Variants in PXMP2 observed in about 807,000 individuals in gnomAD.
The protein encoded by PXMP2 is peroxisomal membrane protein 2, also known as 22 kDa peroxisomal membrane protein.
Under a neutral mutation model 20.2 loss-of-function variants are expected in PXMP2, and 13 were observed. That is an observed-to-expected ratio of 0.64 (90% CI 0.42 to 1.02). The LOEUF is 1.02. Ranked by LOEUF, PXMP2 falls within the 50% of genes least tolerant of loss-of-function variation. The pLI is 0.00. For missense variants in PXMP2, 284 were observed against 251.8 expected, an observed-to-expected ratio of 1.13 and a Z score of -0.87; for synonymous variants, 113 against 111.2, an observed-to-expected ratio of 1.02 and a Z score of -0.10.
rs1361282598 is a variant in PXMP2, at chr12:132,687,767, C to G, written c.97C>G (p.Pro33Ala). The stretch of plus-strand genomic sequence containing the variant: ...GTACCTGCTCTTCCTGCGGCTCTAC[C>G]CGGTGCTCACCAAGGCGGCCACCAG... ...AQYLLFLRLY[P>A]VLTKAATSGI... The change falls in exon 1 of 5, where the codon CCG becomes GCG. Residue 33 changes from proline (P) to alanine (A), a missense_variant. Physicochemically the swap from Pro to Ala is conservative, Grantham distance 27 (BLOSUM62 -1). Transcript: ENST00000317479. 1.7e-6 allele frequency: 2 copies of G among 1,188,870 alleles called. No homozygotes were observed. Among genetic ancestry groups the G allele is most frequent in the Non-Finnish European group, 2.1e-6 (2 of 961,206 alleles). The allele number at this position is 1,188,870 out of a possible 1,614,324, so 73.6% of individuals were successfully genotyped here.
At chr12:132,699,796 C>T (rs1433244871) in intron 3 of PXMP2, among the ~76,000 whole-genome samples, 2 of 152,058 alleles carry the variant, frequency 1.3e-5, no homozygotes, top group Non-Finnish European at 2.9e-5. Context: ...GTTGATTCCA[C>T]GTGTTTGCTG....
chr12:132,704,972 T>C lies in PXMP2; in HGVS notation c.*285T>C, dbSNP rs2043463268. ...GAATTAGGATCACAATAAACGATAA[T>C]GCAGGTTCTTCAATGGTGACTTTAA... is the stretch of plus-strand genomic sequence containing the variant. On this transcript the variant is annotated 3_prime_UTR_variant, in exon 5 of 5. Transcript: ENST00000317479. 1.4e-5 allele frequency: 7 copies of C among 517,344 alleles called. No individual in the cohort carries two copies. The highest frequency in any genetic ancestry group is 2.8e-4 in the Middle Eastern group (1 of 3,634). The allele number at this position is 517,344 out of a possible 1,614,324, so 32.0% of individuals were successfully genotyped here. A position where few individuals can be genotyped will look rare whatever the true frequency, so the allele number is the denominator to read the frequency against.
chr12:132,687,813 C>A, intron 1 of PXMP2, 21 bp downstream of exon 1: 1 of 1,134,364 alleles, frequency 8.8e-7, no homozygotes, highest in Non-Finnish European at 1.1e-6. Context: ...GCGCGGGAAT[C>A]GGACGCCGCC....
chr12:132,693,522 C>A (rs1197357910), intron 2 of PXMP2, among the ~76,000 whole-genome samples: 2 of 99,316 alleles, frequency 2.0e-5, no homozygotes, highest in African/African-American at 7.3e-5. Flanking sequence ...TAGTGAGCTC[C>A]CTTGCCAGTT....
intron 2 of PXMP2, among the ~76,000 whole-genome samples, chr12:132,691,455 AAG>A (rs1343891361): frequency 6.6e-6 from 1 of 152,202 alleles, no homozygotes; most frequent in Non-Finnish European, 1.5e-5. Context: ...ACAGTAATTC[AAG>A]AGTTTTACCA....
chr12:132,690,709 C>T (rs1310397503), intron 2 of PXMP2, among the ~76,000 whole-genome samples: 1 of 152,038 alleles, frequency 6.6e-6, no homozygotes, highest in East Asian at 1.9e-4. Flanking sequence ...CCATGCCCAG[C>T]TAATTTTTGT....
intron 2 of PXMP2, among the ~76,000 whole-genome samples, chr12:132,692,105 T>TA (rs201431134): frequency 1.4e-5 from 2 of 144,114 alleles, no homozygotes; most frequent in East Asian, 2.0e-4. Flanking sequence ...TGAGCGCCCT[T>TA]GCCAGTTAGT....
At position 132,696,772 on chromosome 12, in the gene PXMP2, C is replaced by G. The variant is rs2043412327; in HGVS notation, c.399+726C>G. On this transcript the variant is annotated intron_variant, in intron 3 of 4. Coordinates refer to ENST00000317479, the MANE Select transcript of PXMP2 (RefSeq NM_018663.3). This position sits in a 1 kb window ranked among gnomAD's most constrained non-coding sequence, Gnocchi z 4.4. Reference sequence around the variant, plus strand: ...CCGAGATGTCGCCACTGCACTCTAGCCTGGGTAATAGAGCCAGACTCCGTC... The same window carrying G: ...CCGAGATGTCGCCACTGCACTCTAGGCTGGGTAATAGAGCCAGACTCCGTC... 1.3e-5 allele frequency among the ~76,000 whole-genome samples: 2 copies of G among 151,676 alleles called. No homozygotes were observed. Among genetic ancestry groups the G allele is most frequent in the South Asian group, 4.2e-4 (2 of 4,804 alleles).
chr12:132,692,993 C>T (rs2043381331), intron 2 of PXMP2, among the ~76,000 whole-genome samples: 1 of 72,670 alleles, frequency 1.4e-5, no homozygotes, highest in Non-Finnish European at 3.2e-5. Flanking sequence ...AGCTCCCTTG[C>T]CAGTTAGTGA....
chr12:132,695,722 C>T (rs2043406259), intron 2 of PXMP2, among the ~76,000 whole-genome samples, 162 bp from the exon 3 acceptor site: 1 of 152,202 alleles, frequency 6.6e-6, no homozygotes, highest in Non-Finnish European at 1.5e-5. Flanking sequence ...GCAACAGAGA[C>T]AGAGCGCCCC....
At chr12:132,691,179 G>C (rs1045152240) in intron 2 of PXMP2, among the ~76,000 whole-genome samples, 13 of 151,604 alleles carry the variant, frequency 8.6e-5, no homozygotes, top group African/African-American at 3.2e-4. Context: ...AGTCTCCCGA[G>C]TAGCTGGGAC....
At chr12:132,697,598 G>C (rs991534626) in intron 3 of PXMP2, among the ~76,000 whole-genome samples, 4 of 151,914 alleles carry the variant, frequency 2.6e-5, no homozygotes, top group Non-Finnish European at 4.4e-5. Flanking sequence ...AGTAGAGATG[G>C]GGTTTCACCA....
At chr12:132,694,107 G>A (rs1326903642) in intron 2 of PXMP2, among the ~76,000 whole-genome samples, 2 of 114,532 alleles carry the variant, frequency 1.7e-5, no homozygotes, top group Admixed American at 8.3e-5. Flanking sequence ...GTTAGTGAGC[G>A]CCCTTGCCAG....
intron 1 of PXMP2, among the ~76,000 whole-genome samples, chr12:132,689,607 T>C (rs1034900729): frequency 6.6e-6 from 1 of 152,104 alleles, no homozygotes; most frequent in Non-Finnish European, 1.5e-5. Flanking sequence ...GAATTTTGGA[T>C]TTTATAGTCC....
chr12:132,701,461 CTCT>C (rs955404163), intron 4 of PXMP2, 92 bp downstream of exon 4: 21 of 1,448,502 alleles, frequency 1.4e-5, no homozygotes, highest in African/African-American at 8.6e-5. Flanking sequence ...CCTCCCTCCC[CTCT>C]TCTTTTCTCT....
intron 3 of PXMP2, among the ~76,000 whole-genome samples, chr12:132,699,137 T>C (rs1458622601): frequency 6.6e-6 from 1 of 152,136 alleles, no homozygotes; most frequent in Non-Finnish European, 1.5e-5. Flanking sequence ...TGTTGGTCCA[T>C]GTATACCCAC....
intron 1 of PXMP2, among the ~76,000 whole-genome samples, chr12:132,689,368 A>G (rs549497258): frequency 6.6e-6 from 1 of 152,290 alleles, no homozygotes; most frequent in South Asian, 2.1e-4. Flanking sequence ...AGGCTGTGTA[A>G]AGAAGTGGAG....
At chr12:132,689,435 G>A (rs2136058028) in intron 1 of PXMP2, among the ~76,000 whole-genome samples, 1 of 152,298 alleles carries the variant, frequency 6.6e-6, no homozygotes, top group Middle Eastern at 3.4e-3. Context: ...AGGTTTTGAA[G>A]GGAAGGCCGG....
At position 132,696,060 on chromosome 12, in the gene PXMP2, A is replaced by C; in HGVS notation, c.399+14A>C. ...AACTTTCTGGAGGTGGGTGTCTGCCACAGCACTTACTGCAGCTCTTCGTTT... is the reference window on the plus strand; with the variant it reads ...AACTTTCTGGAGGTGGGTGTCTGCCCCAGCACTTACTGCAGCTCTTCGTTT... On this transcript the variant is annotated intron_variant, in intron 3 of 4. Coordinates refer to ENST00000317479, the MANE Select transcript of PXMP2 (RefSeq NM_018663.3). This position sits in a 1 kb window ranked among gnomAD's most constrained non-coding sequence, Gnocchi z 4.4. The C allele has an allele frequency of 6.3e-7, 1 of 1,590,550 alleles. No individual in the cohort carries two copies. Among genetic ancestry groups the C allele is most frequent in the Non-Finnish European group, 8.6e-7 (1 of 1,164,922 alleles).
Sources: gnomAD v4.1 joint callset for allele counts (sites outside exome capture counted in the v4.1 genomes callset) on GRCh38, gnomAD v4.1.1 for gene constraint, Gnocchi (gnomAD v3.1) non-coding constraint, MANE v1.5 for transcripts, NCBI Gene and HGNC (gene_info 2026-07-23, HGNC 2026-07-21) for gene names.